The following ADAMTSL1 variants were observed in gnomAD, a reference collection of about 807,000 sequenced individuals.
The protein encoded by ADAMTSL1 is ADAMTS like 1, also known as ADAMTS-like protein 1.
Under a neutral mutation model 201.8 loss-of-function variants are expected in ADAMTSL1, and 126 were observed. That is an observed-to-expected ratio of 0.62 (90% CI 0.54 to 0.72). ADAMTSL1 has a LOEUF of 0.72. Among genes scored for constraint, ADAMTSL1 ranks in the 30% least tolerant of loss-of-function variants. ADAMTSL1 has a pLI of 0.00. For synonymous variants in ADAMTSL1, 1,121 were observed against 903.4 expected, an observed-to-expected ratio of 1.24 and a Z score of -4.32; for missense variants, 2,679 against 2,277.8, an observed-to-expected ratio of 1.18 and a Z score of -3.59.
intron 13 of ADAMTSL1, among the ~76,000 whole-genome samples, chr9:18,692,460 C>G (rs1046489231): frequency 2.6e-5 from 4 of 152,060 alleles, no homozygotes; most frequent in Non-Finnish European, 4.4e-5. Context: ...TTTCAGAAAG[C>G]TAAATCTGAA....
chr9:18,538,672 C>A lies in ADAMTSL1; in HGVS notation c.237+5380C>A, dbSNP rs982948422. Among the ~76,000 whole-genome samples, 5 of 152,118 alleles carry A rather than the reference C, an allele frequency of 3.3e-5. No homozygotes were observed. In the East Asian group the frequency reaches 9.6e-4, roughly 29 times the overall value. The stretch of plus-strand genomic sequence containing the variant: ...CATCCTTGCTGTACAATTGACCATC[C>A]ATCTTGACTGGTGATTCTCGTTGAG... On this transcript the variant is annotated intron_variant, in intron 3 of 28. Coordinates refer to ENST00000380548, the MANE Select transcript of ADAMTSL1 (RefSeq NM_001040272.6).
chr9:18,485,660 C>T (rs540002271), intron 1 of ADAMTSL1, among the ~76,000 whole-genome samples: 1 of 152,236 alleles, frequency 6.6e-6, no homozygotes, highest in East Asian at 1.9e-4. Context: ...GAAGAGGGGG[C>T]ATTGCCAGCA....
chr9:18,024,188 A>G (rs924192437), intron 1 of ADAMTSL1, among the ~76,000 whole-genome samples: 3 of 152,270 alleles, frequency 2.0e-5, no homozygotes, highest in East Asian at 3.9e-4. Flanking sequence ...TATAATTACT[A>G]TGGTCATTAA....
At chr9:18,204,732 C>A (rs1296382234) in intron 2 of ADAMTSL1, among the ~76,000 whole-genome samples, 1 of 152,026 alleles carries the variant, frequency 6.6e-6, no homozygotes, top group Non-Finnish European at 1.5e-5. Context: ...CAGAAATTTA[C>A]AAGGGAGGGG....
chr9:18,457,954 A>T (rs903148650), intron 2 of ADAMTSL1, among the ~76,000 whole-genome samples: 5 of 152,358 alleles, frequency 3.3e-5, no homozygotes, highest in Non-Finnish European at 7.3e-5. Context: ...AATAGGGGTT[A>T]TACCTGTGTG....
chr9:18,555,067 T>C (rs2132244643), intron 3 of ADAMTSL1, among the ~76,000 whole-genome samples: 1 of 152,058 alleles, frequency 6.6e-6, no homozygotes, highest in Non-Finnish European at 1.5e-5. Context: ...CCAGTCTTTT[T>C]ATTGTCTCCT....
At chr9:18,332,559 T>G (rs1835075947) in intron 2 of ADAMTSL1, among the ~76,000 whole-genome samples, 1 of 152,132 alleles carries the variant, frequency 6.6e-6, no homozygotes, top group African/African-American at 2.4e-5. Context: ...CCAGCAATCC[T>G]CCTGCCTCAG....
chr9:18,236,495 A>T (rs1830855948), intron 2 of ADAMTSL1, among the ~76,000 whole-genome samples: 1 of 152,222 alleles, frequency 6.6e-6, no homozygotes, highest in Non-Finnish European at 1.5e-5. Context: ...TCCATATCAA[A>T]AGCTGTTTCA....
In ADAMTSL1 at chr9:18,271,890, T is replaced by C. The variant is rs527774497; in HGVS notation, c.207+107909T>C. 7.1e-4 allele frequency among the ~76,000 whole-genome samples: 108 copies of C among 152,202 alleles called. No homozygotes were observed. In the South Asian group the frequency reaches 0.021, roughly 29 times the overall value. ...ATTCTAACTGGTGTGAGATGGTATC[T>C]CATTGTGGTTTTGATTTGCATTTCT... On this transcript the variant is annotated intron_variant, in intron 2 of 29. Transcript: ENST00000680146.
rs1214546688 is a variant in ADAMTSL1 at position 18,909,117 on chromosome 9, GAGA to G, written c.*574_*576del. On this transcript the variant is annotated 3_prime_UTR_variant, in exon 29 of 29. Transcript: ENST00000380548. ...TTCTTCTAGTGGGTGAGTGCAGAGA[GAGA>G]AGAACTCAGATCACCAGTAGGGAGA... The G allele has an allele frequency of 5.2e-5, 8 of 153,616 alleles. No individual in the cohort carries two copies. Among genetic ancestry groups the G allele is most frequent in the East Asian group, 3.8e-4 (2 of 5,208 alleles). 9.5% of individuals were successfully genotyped at this position (153,616 alleles called of 1,614,324 possible).
intron 1 of ADAMTSL1, among the ~76,000 whole-genome samples, chr9:18,503,539 T>A (rs1822959241): frequency 6.6e-6 from 1 of 151,800 alleles, no homozygotes; most frequent in Non-Finnish European, 1.5e-5. Flanking sequence ...TCAAAAAGAT[T>A]CATTGATTCA....
intron 2 of ADAMTSL1, among the ~76,000 whole-genome samples, chr9:18,348,664 G>C (rs999978876): frequency 3.9e-5 from 6 of 152,280 alleles, no homozygotes; most frequent in African/African-American, 1.4e-4. Flanking sequence ...CATGAAGTAA[G>C]TGAAATAGAG....
chr9:18,531,223 A>G (rs963338947), intron 2 of ADAMTSL1, among the ~76,000 whole-genome samples: 1 of 152,044 alleles, frequency 6.6e-6, no homozygotes, highest in Admixed American at 6.6e-5. Context: ...CATGGCCAGC[A>G]CTCTCTGTTC....
chr9:18,595,178 C>T (rs928247300), intron 4 of ADAMTSL1, among the ~76,000 whole-genome samples: 9 of 152,186 alleles, frequency 5.9e-5, no homozygotes, highest in African/African-American at 2.2e-4. Flanking sequence ...GTGCAGAAGA[C>T]TATCCTTTTG....
chr9:18,464,613 C>T (rs1022033321), intron 2 of ADAMTSL1, among the ~76,000 whole-genome samples: 1 of 152,148 alleles, frequency 6.6e-6, no homozygotes, highest in African/African-American at 2.4e-5. Context: ...AAATTAATCA[C>T]AATAAGGATA....
rs1824900550 is a variant in ADAMTSL1 at position 18,830,400 on chromosome 9, G to A, written c.4249+423G>A. On this transcript the variant is annotated intron_variant, in intron 23 of 28. Coordinates refer to ENST00000380548, the MANE Select transcript of ADAMTSL1 (RefSeq NM_001040272.6). ...GCAATAATCAACTTTCGAGGAGAAA[G>A]TCAAATATCAGCACCCTCCAAAAGG... 2.6e-5 allele frequency among the ~76,000 whole-genome samples: 4 copies of A among 152,300 alleles called. No individual in the cohort carries two copies. In the South Asian group the frequency reaches 8.3e-4, roughly 32 times the overall value.
At chr9:18,423,465 C>A (rs1022888584) in intron 2 of ADAMTSL1, among the ~76,000 whole-genome samples, 1 of 152,190 alleles carries the variant, frequency 6.6e-6, no homozygotes, top group Non-Finnish European at 1.5e-5. Flanking sequence ...TGTACTCAGT[C>A]TCTTTCTTTG....
At chr9:18,485,486 A>T (rs1821943496) in intron 1 of ADAMTSL1, among the ~76,000 whole-genome samples, 2 of 152,212 alleles carry the variant, frequency 1.3e-5, no homozygotes, top group Admixed American at 1.3e-4. Flanking sequence ...AAAGTTTTTA[A>T]AAAATAATAG....
At chr9:17,940,977 A>T (rs946813251) in intron 1 of ADAMTSL1, among the ~76,000 whole-genome samples, 5 of 151,330 alleles carry the variant, frequency 3.3e-5, no homozygotes, top group Admixed American at 2.0e-4. Context: ...AATCCTACAA[A>T]TTTTTCCATG....
Sources: allele counts gnomAD v4.1 joint callset (sites outside exome capture counted in the v4.1 genomes callset), GRCh38; gene constraint gnomAD v4.1.1; transcripts MANE v1.5; gene names NCBI Gene and HGNC (gene_info 2026-07-23, HGNC 2026-07-21).